Variants in KCTD9 observed in about 807,000 individuals in gnomAD.
KCTD9 encodes BTB/POZ domain-containing protein KCTD9.
A neutral mutation model predicts 53.3 loss-of-function variants in KCTD9; 17 were observed. The observed-to-expected ratio is 0.32, with a 90% CI of 0.22 to 0.48. KCTD9 has a LOEUF of 0.48. Among genes scored for constraint, KCTD9 ranks in the 20% least tolerant of loss-of-function variants. The pLI is 0.99. For missense variants in KCTD9, 179 were observed against 465.5 expected, an observed-to-expected ratio of 0.38 and a Z score of 5.66; for synonymous variants, 128 against 162.7, an observed-to-expected ratio of 0.79 and a Z score of 1.62.
In KCTD9 at chr8:25,428,210, G is replaced by C. The variant is rs4056572; in HGVS notation, c.*1647C>G. ...CTGAAAATATAGTACAGAGTGAAAT[G>C]ATTTAAATATAATTTAGGCACATAT... is the stretch of plus-strand genomic sequence containing the variant. On this transcript the variant is annotated 3_prime_UTR_variant, in exon 12 of 12. Transcript: ENST00000221200. 1 of 152,516 alleles carries C rather than the reference G, an allele frequency of 6.6e-6. No individual in the cohort carries two copies. Among genetic ancestry groups the C allele is most frequent in the Non-Finnish European group, 1.5e-5 (1 of 68,012 alleles). The allele number at this position is 152,516 out of a possible 1,614,324, so 9.4% of individuals were successfully genotyped here.
intron 3 of KCTD9, among the ~76,000 whole-genome samples, chr8:25,440,875 G>A (rs958096456): frequency 6.6e-6 from 1 of 152,184 alleles, no homozygotes; most frequent in African/African-American, 2.4e-5. Flanking sequence ...AGCTATAAGA[G>A]CAGCATGCTT....
At position 25,446,175 on chromosome 8, in the gene KCTD9, C is replaced by A; in HGVS notation, c.124G>T (p.Val42Leu). 1 of 1,614,000 alleles carries A rather than the reference C, an allele frequency of 6.2e-7. No individual in the cohort carries two copies. The highest frequency in any genetic ancestry group is 8.5e-7 in the Non-Finnish European group (1 of 1,179,916). Residue 42 changes from valine (V) to leucine (L), a missense_variant, in exon 2 of 12, where the codon GTG becomes TTG. Transcript: ENST00000221200. ...SSKLGIKATS[V>L]YNGKGGLIDD... ...ATCAGTCCACCTTTCCCATTATACA[C>A]ACTGGTGGCTTTTATGCCGAGTTTA...
At position 25,458,266 on chromosome 8, in the gene KCTD9, C is replaced by G. The variant is rs762251588; in HGVS notation, c.-20G>C. 1 of 1,607,752 alleles carries G rather than the reference C, an allele frequency of 6.2e-7. No individual in the cohort carries two copies. The highest frequency in any genetic ancestry group is 8.5e-7 in the Non-Finnish European group (1 of 1,177,942). ...CCTCATCGCGCTGCCCCCGCTGGGT[C>G]CTGAGTGAGCCGCCACCCTCCCACC... On this transcript the variant is annotated 5_prime_UTR_variant, in exon 1 of 12. Transcript: ENST00000221200.
chr8:25,432,661 T>C lies in KCTD9; in HGVS notation c.920-24A>G, dbSNP rs368209221. On this transcript the variant is annotated intron_variant, in intron 10 of 11. Coordinates refer to ENST00000221200, the MANE Select transcript of KCTD9 (RefSeq NM_017634.4). ...ACCTACAGTGAACACATTCTGGGAG[T>C]AGTTTAACTTAAAAATATAGTTATC... 5.2e-5 allele frequency: 82 copies of C among 1,587,196 alleles called. No individual in the cohort carries two copies. In the African/African-American group the frequency reaches 9.1e-4, roughly 18 times the overall value.
At position 25,429,052 on chromosome 8, in the gene KCTD9, T is replaced by C. The variant is rs971790809; in HGVS notation, c.*805A>G. On this transcript the variant is annotated 3_prime_UTR_variant, in exon 12 of 12. Transcript: ENST00000221200. ...AAACTAGGCTAATAGTGTAAATAGA[T>C]AGAATTGCTTGATCTGGTGTTGAGT... The C allele has an allele frequency of 5.3e-5, 8 of 152,220 alleles. No individual in the cohort carries two copies. The highest frequency in any genetic ancestry group is 9.6e-5 in the African/African-American group (4 of 41,466). 9.4% of individuals were successfully genotyped at this position (152,220 alleles called of 1,614,324 possible). A position where few individuals can be genotyped will look rare whatever the true frequency, so the allele number is the denominator to read the frequency against.
At chr8:25,441,372 T>G (rs1200848045) in intron 3 of KCTD9, among the ~76,000 whole-genome samples, 1 of 152,020 alleles carries the variant, frequency 6.6e-6, no homozygotes. Flanking sequence ...AAATGAGCAA[T>G]ACAAAAAGAC....
chr8:25,431,687 T>C (rs1801933439), intron 11 of KCTD9, among the ~76,000 whole-genome samples: 1 of 152,196 alleles, frequency 6.6e-6, no homozygotes, highest in Admixed American at 6.5e-5. Context: ...GATAGGATTA[T>C]ACTTAGGCCA....
In KCTD9 at chr8:25,432,663, G is replaced by A. The variant is rs770128736; in HGVS notation, c.920-26C>T. ...CTACAGTGAACACATTCTGGGAGTA[G>A]TTTAACTTAAAAATATAGTTATCTA... On this transcript the variant is annotated intron_variant, in intron 10 of 11. Transcript: ENST00000221200. 3.2e-6 allele frequency: 5 copies of A among 1,587,008 alleles called. No individual in the cohort carries two copies. The Admixed American group carries it at 9.2e-5, about 29-fold the overall frequency.
At chr8:25,445,987 A>T in intron 2 of KCTD9, 142 bp downstream of exon 2, 1 of 1,045,448 alleles carries the variant, frequency 9.6e-7, no homozygotes. Context: ...CAAATGATTT[A>T]AATTCCAAAG....
rs1417134701 is a variant in KCTD9, at chr8:25,428,336, C to T, written c.*1521G>A. 6.6e-6 allele frequency: 1 copy of T among 152,586 alleles called. No individual in the cohort carries two copies. Among genetic ancestry groups the T allele is most frequent in the South Asian group, 2.1e-4 (1 of 4,830 alleles). The allele number at this position is 152,586 out of a possible 1,614,324, so 9.5% of individuals were successfully genotyped here. A position where few individuals can be genotyped will look rare whatever the true frequency, so the allele number is the denominator to read the frequency against. ...TCATTTCTGAAGTTGCTTTCCTTCA[C>T]TTGTAAAGGTCTGATCTCCTCCCAC... On this transcript the variant is annotated 3_prime_UTR_variant, in exon 12 of 12. Transcript: ENST00000221200.
chr8:25,456,885 A>C (rs1252825971), intron 1 of KCTD9, among the ~76,000 whole-genome samples: 1 of 152,218 alleles, frequency 6.6e-6, no homozygotes, highest in Non-Finnish European at 1.5e-5. Context: ...TGTTTTTGAG[A>C]AATATTACCA....
intron 1 of KCTD9, among the ~76,000 whole-genome samples, chr8:25,457,145 G>C (rs888645509): frequency 6.6e-6 from 1 of 152,096 alleles, no homozygotes. Context: ...ACTCTGGTTC[G>C]AATTTTCGGA....
At chr8:25,439,843 T>C (rs1802084993) in intron 4 of KCTD9, 179 bp from the exon 5 acceptor site, 3 of 1,294,704 alleles carry the variant, frequency 2.3e-6, no homozygotes, top group Non-Finnish European at 2.1e-6. Flanking sequence ...TCCCTTCTAA[T>C]AGGGTACTTC....
intron 10 of KCTD9, 118 bp from the exon 11 acceptor site, chr8:25,432,755 C>T (rs1801952372): frequency 1.1e-6 from 1 of 874,238 alleles, no homozygotes; most frequent in Non-Finnish European, 1.8e-6. Context: ...AATCTAAAAT[C>T]TTGTCTCTCA....
rs1352175247 is a variant in KCTD9, at chr8:25,446,114, A to AAAGGTG, written c.170+9_170+14dup. 1 of 1,611,874 alleles carries AAAGGTG rather than the reference A, an allele frequency of 6.2e-7. No homozygotes were observed. On this transcript the variant is annotated intron_variant, in intron 2 of 11. Transcript: ENST00000221200. ...GAGGCACACTGTTGACAGCTTATAAAAAGGTGAAGGTTACCTGATCAAAGC... is the reference window on the plus strand; with the variant it reads ...GAGGCACACTGTTGACAGCTTATAAAAAGGTGAAGGTGAAGGTTACCTGATCAAAGC...
intron 1 of KCTD9, 122 bp downstream of exon 1, chr8:25,458,077 G>T: frequency 2.0e-6 from 2 of 984,224 alleles, no homozygotes; most frequent in Non-Finnish European, 1.5e-6. Context: ...AGCGCCCCCA[G>T]CCCGCGCACG....
intron 11 of KCTD9, among the ~76,000 whole-genome samples, chr8:25,430,610 T>C (rs549053428): frequency 9.2e-5 from 14 of 152,270 alleles, no homozygotes; most frequent in African/African-American, 3.4e-4. Context: ...TGGTGAGTTA[T>C]ATAATTATTT....
Position 25,432,489 on chromosome 8 carries a change from T to G in KCTD9, c.1053+15A>C. ...TCTAGAGTAATAAAAATTCTTAAAG[T>G]GTTGGTGAACTCACCTCTAAATCAG... On this transcript the variant is annotated intron_variant, in intron 11 of 11. Transcript: ENST00000221200. 6.2e-7 allele frequency: 1 copy of G among 1,607,302 alleles called. No individual in the cohort carries two copies. Among genetic ancestry groups the G allele is most frequent in the Non-Finnish European group, 8.5e-7 (1 of 1,177,270 alleles).
Position 25,432,483 on chromosome 8 carries a change from T to TTA in KCTD9, c.1053+19_1053+20dup, listed in dbSNP as rs752721190. 28 of 1,604,682 alleles carry TTA rather than the reference T, an allele frequency of 1.7e-5. No individual in the cohort carries two copies. In the South Asian group the frequency reaches 3.0e-4, roughly 17 times the overall value. ...AGTAAGTCTAGAGTAATAAAAATTC[T>TTA]TAAAGTGTTGGTGAACTCACCTCTA... On this transcript the variant is annotated intron_variant, in intron 11 of 11. Coordinates refer to ENST00000221200, the MANE Select transcript of KCTD9 (RefSeq NM_017634.4).
Sources: allele counts gnomAD v4.1 joint callset (sites outside exome capture counted in the v4.1 genomes callset), GRCh38; gene constraint gnomAD v4.1.1; transcripts MANE v1.5; gene names NCBI Gene and HGNC (gene_info 2026-07-23, HGNC 2026-07-21).